PCDHA4: variants seen among roughly 807,000 people sequenced by gnomAD.
PCDHA4 encodes protocadherin alpha 4.
A neutral mutation model predicts 61.4 loss-of-function variants in PCDHA4; 49 were observed. The ratio of observed to expected loss-of-function variants is 0.80; its 90% confidence interval spans 0.63 to 1.01. The LOEUF (loss-of-function observed/expected upper bound fraction) is 1.01, where lower values mean the gene tolerates loss of function less well. Among genes scored for constraint, PCDHA4 ranks in the 50% least tolerant of loss-of-function variants. PCDHA4 has a pLI of 0.00. For missense variants in PCDHA4, 1,254 were observed against 1,235.8 expected (o/e 1.01, Z -0.22); for synonymous variants, 590 against 550.3 (o/e 1.07, Z -1.01).
intron 1 of PCDHA4, among the ~76,000 whole-genome samples, chr5:140,952,946 G>A (rs2094822679): frequency 6.6e-6 from 1 of 152,070 alleles, no homozygotes; most frequent in African/African-American, 2.4e-5. Flanking sequence ...AAGAGAGAGA[G>A]AAGGGGGAAG....
intron 1 of PCDHA4, chr5:140,830,028 G>A (rs2150179935): frequency 6.2e-7 from 1 of 1,613,878 alleles, no homozygotes; most frequent in Admixed American, 1.7e-5. Flanking sequence ...CCGCGCCACC[G>A]GCTGCTGGTG....
At chr5:140,850,185 G>T (rs1554143929) in intron 1 of PCDHA4, 3 of 1,593,776 alleles carry the variant, frequency 1.9e-6, no homozygotes, top group Non-Finnish European at 2.6e-6. Flanking sequence ...CAATGCGCCG[G>T]CGCTGCTGAC....
intron 1 of PCDHA4, among the ~76,000 whole-genome samples, chr5:140,886,194 AAT>A (rs775586198): frequency 9.9e-5 from 15 of 152,172 alleles, no homozygotes; most frequent in Non-Finnish European, 1.9e-4. Context: ...GGCAAGCAGT[AAT>A]CTGTTCTCCA....
intron 1 of PCDHA4, among the ~76,000 whole-genome samples, chr5:140,961,121 T>A (rs551567804): frequency 6.6e-6 from 1 of 152,330 alleles, no homozygotes; most frequent in African/African-American, 2.4e-5. Context: ...TGCATCTTAA[T>A]GTCTTGGCAC....
intron 1 of PCDHA4, among the ~76,000 whole-genome samples, chr5:140,888,737 A>T (rs1468383652): frequency 6.6e-6 from 1 of 152,036 alleles, no homozygotes; most frequent in Non-Finnish European, 1.5e-5. Context: ...TGTGAGCTCT[A>T]GGAATTATTC....
rs1203554709 is a variant in PCDHA4 at position 140,835,098 on chromosome 5, GC to G, written c.2385+25530del. On this transcript the variant is annotated intron_variant, in intron 1 of 3. Coordinates refer to ENST00000530339, the MANE Select transcript of PCDHA4 (RefSeq NM_018907.4). Reference sequence around the variant, plus strand: ...CACGGTACTGGACAACAATGACAATGCCCCAGTGTTCGACAGAACCCTGTAT... The same window carrying G: ...CACGGTACTGGACAACAATGACAATGCCCAGTGTTCGACAGAACCCTGTAT... 6.4e-6 allele frequency: 8 copies of G among 1,244,734 alleles called. No individual in the cohort carries two copies. In the East Asian group the frequency reaches 1.8e-4, roughly 28 times the overall value. 77.1% of individuals were successfully genotyped at this position (1,244,734 alleles called of 1,614,324 possible).
At chr5:140,829,691 C>T in intron 1 of PCDHA4, 1 of 1,613,260 alleles carries the variant, frequency 6.2e-7, no homozygotes, top group Non-Finnish European at 8.5e-7. Context: ...GCTGCAGTTT[C>T]AGGTGAGCGC....
chr5:140,893,781 G>A (rs113070458), intron 1 of PCDHA4, among the ~76,000 whole-genome samples: 3 of 151,996 alleles, frequency 2.0e-5, no homozygotes, highest in African/African-American at 4.8e-5. Flanking sequence ...TTCTTTTACC[G>A]TTTTTAGAAT....
chr5:140,857,566 C>G, intron 1 of PCDHA4: 1 of 1,596,798 alleles, frequency 6.3e-7, no homozygotes, highest in South Asian at 1.1e-5. Flanking sequence ...TGTCGAGCTA[C>G]GTGTCGGTGC....
intron 3 of PCDHA4, among the ~76,000 whole-genome samples, chr5:141,005,772 G>A (rs1554260355): frequency 6.9e-6 from 1 of 144,526 alleles, no homozygotes; most frequent in South Asian, 2.2e-4. Flanking sequence ...CAAACCAGAT[G>A]TGTAAAGATC....
intron 1 of PCDHA4, chr5:140,870,432 G>T (rs368823990): frequency 4.3e-6 from 7 of 1,614,134 alleles, no homozygotes; most frequent in Non-Finnish European, 5.1e-6. Flanking sequence ...TATCCGTGGA[G>T]GTGGCCGACG....
intron 1 of PCDHA4, among the ~76,000 whole-genome samples, chr5:140,820,870 T>C (rs1766848710): frequency 6.6e-6 from 1 of 152,114 alleles, no homozygotes; most frequent in Non-Finnish European, 1.5e-5. Context: ...ATGCTTCTAA[T>C]TTGAAAATAG....
chr5:140,823,548 G>A (rs2150126808), intron 1 of PCDHA4: 3 of 1,613,882 alleles, frequency 1.9e-6, no homozygotes, highest in Non-Finnish European at 8.5e-7. Flanking sequence ...ACGTGGTGGC[G>A]AAGGTGCGCG....
chr5:140,966,176 T>G (rs2095977016), intron 1 of PCDHA4: 1 of 188,102 alleles, frequency 5.3e-6, no homozygotes, highest in African/African-American at 2.3e-5. Context: ...CCTGGGGAGC[T>G]GATAGCCAGA....
chr5:140,833,496 A>T (rs1266774652), intron 1 of PCDHA4, among the ~76,000 whole-genome samples: 1 of 152,230 alleles, frequency 6.6e-6, no homozygotes. Context: ...CATATTTGAG[A>T]TTGTAAAAAT....
intron 1 of PCDHA4, among the ~76,000 whole-genome samples, chr5:140,818,937 A>G (rs1160435477): frequency 4.6e-5 from 7 of 152,228 alleles, no homozygotes; most frequent in Middle Eastern, 3.2e-3. Flanking sequence ...ATTATTTGAC[A>G]TGAACATTGA....
intron 1 of PCDHA4, chr5:140,966,755 C>G: frequency 2.8e-6 from 4 of 1,434,520 alleles, no homozygotes; most frequent in Non-Finnish European, 1.8e-6. Flanking sequence ...GCCTCCGCCG[C>G]GGCCAGTGGC....
chr5:140,859,706 C>T (rs1311210067), intron 1 of PCDHA4: 1 of 153,842 alleles, frequency 6.5e-6, no homozygotes, highest in Non-Finnish European at 1.4e-5. Context: ...AGTTTAGGAA[C>T]ACCAAAAAAA....
intron 1 of PCDHA4, among the ~76,000 whole-genome samples, chr5:140,916,482 G>C (rs2077584456): frequency 6.6e-6 from 1 of 152,194 alleles, no homozygotes; most frequent in African/African-American, 2.4e-5. Context: ...GTGCCCAAGG[G>C]CTCTTTAGTC....
Sources: gnomAD v4.1 joint callset for allele counts (sites outside exome capture counted in the v4.1 genomes callset) on GRCh38, gnomAD v4.1.1 for gene constraint, MANE v1.5 for transcripts, NCBI Gene and HGNC (gene_info 2026-07-23, HGNC 2026-07-21) for gene names.